SPON1: variants seen among roughly 807,000 people sequenced by gnomAD.
SPON1 encodes the protein spondin 1.
A neutral mutation model predicts 111.7 loss-of-function variants in SPON1; 52 were observed. The ratio of observed to expected loss-of-function variants is 0.47; its 90% CI spans 0.37 to 0.59. The LOEUF (loss-of-function observed/expected upper bound fraction) is 0.59. Among genes scored for constraint, SPON1 ranks in the 20% least tolerant of loss-of-function variants. The pLI is 0.00. For synonymous variants in SPON1, 410 were observed against 395.8 expected, an observed-to-expected ratio of 1.04 and a Z score of -0.43; for missense variants, 957 against 1,068.5, an observed-to-expected ratio of 0.90 and a Z score of 1.46.
intron 6 of SPON1, among the ~76,000 whole-genome samples, chr11:14,140,014 G>T (rs1847635422): frequency 6.6e-6 from 1 of 152,136 alleles, no homozygotes; most frequent in Admixed American, 6.5e-5. Context: ...GTTGAATGCC[G>T]GACCACTTTG....
chr11:14,238,351 G>A (rs1486452239), intron 6 of SPON1, among the ~76,000 whole-genome samples: 2 of 152,200 alleles, frequency 1.3e-5, no homozygotes, highest in Admixed American at 6.5e-5. Context: ...TGAGGAAATG[G>A]CTTGTGGTTC....
intron 6 of SPON1, among the ~76,000 whole-genome samples, chr11:14,175,285 C>T (rs1394733437): frequency 6.6e-6 from 1 of 152,144 alleles, no homozygotes; most frequent in Non-Finnish European, 1.5e-5. Flanking sequence ...ATGACAAGAA[C>T]CCCCAAATTC....
At chr11:13,979,366 G>T (rs1327113071) in intron 1 of SPON1, among the ~76,000 whole-genome samples, 1 of 152,174 alleles carries the variant, frequency 6.6e-6, no homozygotes, top group Non-Finnish European at 1.5e-5. Context: ...CATCTGCAAA[G>T]ACCCTATTTC....
intron 5 of SPON1, among the ~76,000 whole-genome samples, chr11:14,111,477 C>A (rs2133849047): frequency 6.6e-6 from 1 of 152,262 alleles, no homozygotes; most frequent in Middle Eastern, 3.4e-3. Flanking sequence ...GAGAATATTT[C>A]AATTACTTAA....
At chr11:14,246,536 C>A (rs1437739055) in intron 7 of SPON1, among the ~76,000 whole-genome samples, 1 of 152,166 alleles carries the variant, frequency 6.6e-6, no homozygotes, top group Non-Finnish European at 1.5e-5. Context: ...TATATACCTG[C>A]CAATGAGCCT....
chr11:14,078,750 C>T (rs558293744), intron 4 of SPON1, among the ~76,000 whole-genome samples: 3 of 152,144 alleles, frequency 2.0e-5, no homozygotes, highest in African/African-American at 4.8e-5. Context: ...TAGGATTAAA[C>T]GAGACAATAT....
chr11:14,201,125 G>T (rs1848457521), intron 6 of SPON1, among the ~76,000 whole-genome samples: 1 of 151,976 alleles, frequency 6.6e-6, no homozygotes, highest in Non-Finnish European at 1.5e-5. Flanking sequence ...TAGATCACAA[G>T]GTCAGGAGGT....
intron 11 of SPON1, 115 bp downstream of exon 11, chr11:14,258,013 A>C: frequency 1.0e-6 from 1 of 999,410 alleles, no homozygotes; most frequent in Non-Finnish European, 1.4e-6. Context: ...AGTAGATGTC[A>C]GTGGGGTCCA....
intron 3 of SPON1, among the ~76,000 whole-genome samples, chr11:14,063,702 C>A (rs555789617): frequency 6.6e-6 from 1 of 152,204 alleles, no homozygotes; most frequent in South Asian, 2.1e-4. Context: ...AAGTTGAATG[C>A]GTTGTGCAGT....
At chr11:14,119,833 G>A (rs373789166) in intron 5 of SPON1, among the ~76,000 whole-genome samples, 1 of 152,074 alleles carries the variant, frequency 6.6e-6, no homozygotes, top group Non-Finnish European at 1.5e-5. Context: ...GTACACAAAC[G>A]TACACCAAAT....
chr11:14,007,587 G>A (rs1848371856), intron 2 of SPON1, among the ~76,000 whole-genome samples: 1 of 152,168 alleles, frequency 6.6e-6, no homozygotes, highest in East Asian at 1.9e-4. Context: ...TGACTCAAAT[G>A]TTAATCTCCT....
At chr11:14,138,667 G>T (rs1847619439) in intron 6 of SPON1, among the ~76,000 whole-genome samples, 1 of 152,136 alleles carries the variant, frequency 6.6e-6, no homozygotes, top group Non-Finnish European at 1.5e-5. Flanking sequence ...TTGTAGGTTG[G>T]TGTGGGAGTG....
At chr11:14,139,725 T>TATATATATATATATATATATATATATATA (rs1564913657) in intron 6 of SPON1, among the ~76,000 whole-genome samples, 6 of 150,724 alleles carry the variant, frequency 4.0e-5, no homozygotes, top group African/African-American at 1.2e-4. Context: ...TATATATATA[T>TATATATATATATATATATATATATATATA]TTAAGTGAAA....
At chr11:13,967,539 GAAA>G (rs57095669) in intron 1 of SPON1, among the ~76,000 whole-genome samples, 1 of 142,118 alleles carries the variant, frequency 7.0e-6, no homozygotes. Flanking sequence ...AACCCAGAAA[GAAA>G]AAAAAAAAAA....
At chr11:14,049,966 C>T (rs1848696258) in intron 3 of SPON1, among the ~76,000 whole-genome samples, 1 of 152,080 alleles carries the variant, frequency 6.6e-6, no homozygotes, top group African/African-American at 2.4e-5. Context: ...GAGAAAGGAC[C>T]TTGGCCCTGT....
intron 5 of SPON1, among the ~76,000 whole-genome samples, chr11:14,131,507 C>A (rs572855889): frequency 6.6e-6 from 1 of 152,286 alleles, no homozygotes; most frequent in South Asian, 2.1e-4. Context: ...CTCTAGGCAC[C>A]CTCCTTCCAA....
intron 7 of SPON1, 29 bp downstream of exon 7, chr11:14,243,425 TG>T: frequency 6.4e-7 from 1 of 1,553,062 alleles, no homozygotes; most frequent in Non-Finnish European, 8.7e-7. Flanking sequence ...TTGCCTGGCC[TG>T]TCTTATCCTA....
intron 6 of SPON1, among the ~76,000 whole-genome samples, chr11:14,231,036 T>C (rs1554938660): frequency 6.6e-6 from 1 of 152,154 alleles, no homozygotes; most frequent in Non-Finnish European, 1.5e-5. Context: ...TGGTCTCGAA[T>C]TCTTGGATTC....
intron 6 of SPON1, among the ~76,000 whole-genome samples, chr11:14,145,773 C>G (rs566568047): frequency 6.6e-6 from 1 of 152,176 alleles, no homozygotes; most frequent in African/African-American, 2.4e-5. Flanking sequence ...ATGGAACAAG[C>G]AAACTTTCAT....
Sources: gnomAD v4.1 joint callset for allele counts (sites outside exome capture counted in the v4.1 genomes callset) on GRCh38, gnomAD v4.1.1 for gene constraint, MANE v1.5 for transcripts, NCBI Gene and HGNC (gene_info 2026-07-23, HGNC 2026-07-21) for gene names.